HOOK3: variants seen among roughly 807,000 people sequenced by gnomAD.
HOOK3 encodes the protein protein Hook homolog 3.
A neutral mutation model predicts 116.3 loss-of-function variants in HOOK3; 24 were observed. That is an observed-to-expected ratio of 0.21 (90% CI 0.15 to 0.29). The LOEUF is 0.29. Ranked by LOEUF, HOOK3 falls within the 10% of genes least tolerant of loss-of-function variation. The pLI is 1.00. For missense variants in HOOK3, 632 were observed against 830.2 expected (o/e 0.76, Z 2.93); for synonymous variants, 275 against 283.0 (o/e 0.97, Z 0.28).
At chr8:43,008,905 C>T (rs898148392) in intron 18 of HOOK3, among the ~76,000 whole-genome samples, 7 of 151,290 alleles carry the variant, frequency 4.6e-5, no homozygotes, top group Non-Finnish European at 8.8e-5. Context: ...GTGATCCGCC[C>T]GCCTCGGCCT....
intron 13 of HOOK3, among the ~76,000 whole-genome samples, chr8:42,979,274 A>G (rs1179173372): frequency 6.6e-6 from 1 of 152,180 alleles, no homozygotes; most frequent in Non-Finnish European, 1.5e-5. Flanking sequence ...CCTGTCTCTA[A>G]AAGGAAATGA....
chr8:42,967,325 G>A (rs1192196346), intron 10 of HOOK3, among the ~76,000 whole-genome samples: 3 of 152,090 alleles, frequency 2.0e-5, no homozygotes, highest in South Asian at 4.2e-4. Context: ...CTATAGCAGC[G>A]AAGAAAGAGG....
chr8:42,963,069 T>A (rs1007667584), intron 8 of HOOK3, among the ~76,000 whole-genome samples: 9 of 152,162 alleles, frequency 5.9e-5, no homozygotes, highest in African/African-American at 2.2e-4. Context: ...CCCAAAGTGC[T>A]GGGATTACAG....
intron 7 of HOOK3, among the ~76,000 whole-genome samples, chr8:42,957,645 A>G (rs1246101911): frequency 1.3e-5 from 2 of 152,176 alleles, no homozygotes; most frequent in Non-Finnish European, 2.9e-5. Context: ...ATATAATGCA[A>G]AAGATACTTA....
intron 15 of HOOK3, among the ~76,000 whole-genome samples, chr8:42,990,761 C>T (rs573226347): frequency 6.6e-6 from 1 of 152,204 alleles, no homozygotes; most frequent in Admixed American, 6.5e-5. Flanking sequence ...TATTTTCACC[C>T]ATTCTGTCGG....
intron 17 of HOOK3, among the ~76,000 whole-genome samples, chr8:43,004,601 A>G (rs1225855590): frequency 6.6e-6 from 1 of 150,588 alleles, no homozygotes; most frequent in East Asian, 2.0e-4. Context: ...TAATTGCTTG[A>G]ACCTGGGAGG....
chr8:42,923,040 A>C (rs1807689859), intron 2 of HOOK3, among the ~76,000 whole-genome samples: 1 of 152,220 alleles, frequency 6.6e-6, no homozygotes, highest in Non-Finnish European at 1.5e-5. Flanking sequence ...AGTTTTTCAA[A>C]GTGCAAATAA....
At chr8:42,953,538 T>C (rs1176020204) in intron 6 of HOOK3, among the ~76,000 whole-genome samples, 1 of 151,120 alleles carries the variant, frequency 6.6e-6, no homozygotes, top group African/African-American at 2.4e-5. Flanking sequence ...CACTCCAGCC[T>C]GGGTGATAGT....
In HOOK3 at chr8:42,906,154, C is replaced by CA. The variant is rs1563287852; in HGVS notation, c.58-19_58-18insA. 9.1e-7 allele frequency: 1 copy of CA among 1,103,304 alleles called. No individual in the cohort carries two copies. The highest frequency in any genetic ancestry group is 1.3e-6 in the Non-Finnish European group (1 of 745,320). 68.3% of individuals were successfully genotyped at this position (1,103,304 alleles called of 1,614,324 possible). A position where few individuals can be genotyped will look rare whatever the true frequency, so the allele number is the denominator to read the frequency against. Reference sequence around the variant, plus strand: ...GTAACCACAGAATCTCTCCCCCCCCCCTCTTTTTTTCCCTTCAGATCCAGA... The same window carrying CA: ...GTAACCACAGAATCTCTCCCCCCCCCACTCTTTTTTTCCCTTCAGATCCAGA... On this transcript the variant is annotated intron_variant, in intron 1 of 21. Transcript: ENST00000307602.
Position 43,021,518 on chromosome 8 carries a change from G to A in HOOK3, c.*3020G>A. On this transcript the variant is annotated 3_prime_UTR_variant, in exon 22 of 22. Coordinates refer to ENST00000307602, the MANE Select transcript of HOOK3 (RefSeq NM_032410.4). Reference sequence around the variant, plus strand: ...GTGTTTCACCATGTTGGCCAGGCTGGTCTCAAACTCCTGACCTCGTGATCT... The same window carrying A: ...GTGTTTCACCATGTTGGCCAGGCTGATCTCAAACTCCTGACCTCGTGATCT... 5.8e-6 allele frequency: 1 copy of A among 173,010 alleles called. No homozygotes were observed. Among genetic ancestry groups the A allele is most frequent in the Non-Finnish European group, 1.2e-5 (1 of 80,124 alleles). 10.7% of individuals were successfully genotyped at this position (173,010 alleles called of 1,614,324 possible). A position where few individuals can be genotyped will look rare whatever the true frequency, so the allele number is the denominator to read the frequency against.
chr8:42,986,759 C>T lies in HOOK3; in HGVS notation c.1496C>T (p.Ala499Val). The change falls in exon 15 of 22, where the codon GCA becomes GTA. Residue 499 changes from alanine to valine, a missense_variant. Around this residue, in one of 3 missense-constraint regions of HOOK3, gnomAD observed 483 missense variants for 648.1 expected, o/e 0.75. Transcript: ENST00000307602. Reference sequence around the variant, plus strand: ...TTATTGCAGAGCCTTCTAGATGATGCAAATCTACGCAAGAATGAACTGGAG... The same window carrying T: ...TTATTGCAGAGCCTTCTAGATGATGTAAATCTACGCAAGAATGAACTGGAG... ...IALLQSLLDD[A>V]NLRKNELETE... 7 of 1,613,498 alleles carry T rather than the reference C, an allele frequency of 4.3e-6. No individual in the cohort carries two copies. The highest frequency in any genetic ancestry group is 5.9e-6 in the Non-Finnish European group (7 of 1,179,730).
At chr8:42,930,067 T>C in intron 3 of HOOK3, 55 bp from the exon 4 acceptor site, 2 of 1,502,088 alleles carry the variant, frequency 1.3e-6, no homozygotes, top group Non-Finnish European at 1.8e-6. Context: ...TTATGTTAAA[T>C]TATGTTTTGA....
At position 43,025,480 on chromosome 8, in the gene HOOK3, T is replaced by G. The variant is rs1048172725; in HGVS notation, c.*6982T>G. On this transcript the variant is annotated 3_prime_UTR_variant, in exon 22 of 22. Transcript: ENST00000307602. ...ATCTAAACAGATGTTCCCAAAGCAA[T>G]AGTTTGCCTAAAATCCTCTGTATTA... is the stretch of plus-strand genomic sequence containing the variant. 9.4e-6 allele frequency: 2 copies of G among 213,396 alleles called. No homozygotes were observed. The highest frequency in any genetic ancestry group is 1.9e-5 in the Non-Finnish European group (2 of 105,552). 13.2% of individuals were successfully genotyped at this position (213,396 alleles called of 1,614,324 possible).
intron 9 of HOOK3, among the ~76,000 whole-genome samples, chr8:42,965,700 A>G (rs150266119): frequency 1.2e-3 from 179 of 151,990 alleles, no homozygotes; most frequent in African/African-American, 4.2e-3. Context: ...GAGTGTGGTA[A>G]CATAACTATT....
intron 1 of HOOK3, among the ~76,000 whole-genome samples, chr8:42,903,628 C>T (rs531653104): frequency 6.8e-4 from 103 of 150,816 alleles, no homozygotes; most frequent in African/African-American, 2.1e-3. Flanking sequence ...CAGACATGAG[C>T]CACCGTGCCC....
At chr8:43,015,477 C>G (rs571456444) in intron 21 of HOOK3, among the ~76,000 whole-genome samples, 3 of 151,542 alleles carry the variant, frequency 2.0e-5, no homozygotes, top group African/African-American at 4.8e-5. Context: ...GAGCCGAGAT[C>G]ACACCACTGC....
intron 2 of HOOK3, among the ~76,000 whole-genome samples, chr8:42,913,073 C>A (rs563036130): frequency 6.6e-6 from 1 of 152,026 alleles, no homozygotes; most frequent in Non-Finnish European, 1.5e-5. Flanking sequence ...CTTTTTGTGA[C>A]TTGATGGCTC....
At chr8:42,942,678 T>C (rs1408768527) in intron 4 of HOOK3, among the ~76,000 whole-genome samples, 1 of 152,252 alleles carries the variant, frequency 6.6e-6, no homozygotes, top group East Asian at 1.9e-4. Context: ...TCTCAAATGT[T>C]TTAATGGTCC....
Position 42,968,073 on chromosome 8 carries a change from A to G in HOOK3, c.981A>G (p.Leu327=). Residue 327 remains leucine, a synonymous_variant, in exon 11 of 22, where the codon CTA becomes CTG. Coordinates refer to ENST00000307602, the MANE Select transcript of HOOK3 (RefSeq NM_032410.4). ...AAGTAGAATCTTATAAAAAGAAGCT[A>G]GAAGACCTTGGTGATTTAAGGCGGC... ...EGQVESYKKK[L]EDLGDLRRQV... is the part of the protein sequence containing the mutation. 2.5e-6 allele frequency: 4 copies of G among 1,608,898 alleles called. No homozygotes were observed. The highest frequency in any genetic ancestry group is 1.3e-5 in the African/African-American group (1 of 74,880).
Sources: gnomAD v4.1 joint callset for allele counts (sites outside exome capture counted in the v4.1 genomes callset) on GRCh38, gnomAD v4.1.1 for gene constraint, gnomAD v4.1.1 regional missense constraint, MANE v1.5 for transcripts, NCBI Gene and HGNC (gene_info 2026-07-23, HGNC 2026-07-21) for gene names.